Variants in PHF14 observed in about 807,000 individuals in gnomAD.
PHF14 encodes the protein PHD finger protein 14.
PHF14 carries 55 observed loss-of-function variants against 117.9 expected under a neutral mutation model. The observed-to-expected ratio is 0.47, with a 90% confidence interval of 0.38 to 0.58. PHF14 has a LOEUF of 0.58. Ranked by LOEUF, PHF14 falls within the 20% of genes least tolerant of loss-of-function variation. The probability of loss-of-function intolerance (pLI) is 0.00; values close to 1 mark genes in which losing one functional copy is unlikely to be tolerated. For missense variants in PHF14, 978 were observed against 1,122.2 expected (o/e 0.87, Z 1.84); for synonymous variants, 409 against 368.6 (o/e 1.11, Z -1.26).
chr7:11,132,202 T>G (rs1424535385), intron 17 of PHF14, among the ~76,000 whole-genome samples: 1 of 151,766 alleles, frequency 6.6e-6, no homozygotes, highest in Non-Finnish European at 1.5e-5. Context: ...TCTCTAGACC[T>G]TTTTCATCTT....
At chr7:11,155,339 T>C (rs1013801522) in intron 17 of PHF14, among the ~76,000 whole-genome samples, 1 of 152,174 alleles carries the variant, frequency 6.6e-6, no homozygotes. Flanking sequence ...CACAATTGCA[T>C]AGAAGAAACA....
intron 13 of PHF14, among the ~76,000 whole-genome samples, chr7:11,046,229 A>G (rs1446470778): frequency 1.3e-5 from 2 of 152,194 alleles, no homozygotes; most frequent in Non-Finnish European, 2.9e-5. Flanking sequence ...AAATTCTAAG[A>G]CACATTTGGT....
intron 9 of PHF14, 116 bp from the exon 10 acceptor site, chr7:11,036,869 T>C (rs1468658201): frequency 2.1e-6 from 2 of 938,812 alleles, no homozygotes; most frequent in South Asian, 1.7e-5. Context: ...TTTGTAAATA[T>C]ACTTAAAAGT....
intron 14 of PHF14, among the ~76,000 whole-genome samples, chr7:11,053,445 C>G (rs1242612042): frequency 6.6e-6 from 1 of 151,892 alleles, no homozygotes; most frequent in Non-Finnish European, 1.5e-5. Context: ...TATAAGGGAA[C>G]TAGAGAGACT....
At chr7:11,106,671 A>T (rs941344810) in intron 16 of PHF14, 1 of 983,820 alleles carries the variant, frequency 1.0e-6, no homozygotes, top group African/African-American at 1.7e-5. Flanking sequence ...CTGTTAATAG[A>T]TTTGCGTAGA....
intron 4 of PHF14, among the ~76,000 whole-genome samples, chr7:11,011,988 A>T (rs140738446): frequency 7.2e-5 from 11 of 152,270 alleles, no homozygotes; most frequent in Non-Finnish European, 1.5e-4. Flanking sequence ...TAGTAATAAC[A>T]AACTTTTAGG....
intron 17 of PHF14, among the ~76,000 whole-genome samples, chr7:11,139,717 GA>G (rs796542812): frequency 8.5e-5 from 13 of 152,204 alleles, no homozygotes; most frequent in East Asian, 3.9e-4. Flanking sequence ...TGAAATATGT[GA>G]AAAATAAATT....
intron 16 of PHF14, among the ~76,000 whole-genome samples, chr7:11,093,259 T>C (rs1457555841): frequency 6.6e-6 from 1 of 152,198 alleles, no homozygotes; most frequent in East Asian, 1.9e-4. Flanking sequence ...TTCTTGACAG[T>C]GGATTTTCTT....
chr7:11,165,755 T>C (rs1789184453), intron 17 of PHF14, among the ~76,000 whole-genome samples: 1 of 152,206 alleles, frequency 6.6e-6, no homozygotes, highest in Non-Finnish European at 1.5e-5. Context: ...AAATCACATT[T>C]ATAAATAAAG....
chr7:11,012,869 G>T (rs1783400265), intron 4 of PHF14, among the ~76,000 whole-genome samples: 1 of 152,114 alleles, frequency 6.6e-6, no homozygotes, highest in Non-Finnish European at 1.5e-5. Flanking sequence ...TTAGAGATTG[G>T]CTCAGTTGTG....
chr7:11,096,423 G>C (rs1786869627), intron 16 of PHF14, among the ~76,000 whole-genome samples: 1 of 151,890 alleles, frequency 6.6e-6, no homozygotes, highest in Non-Finnish European at 1.5e-5. Context: ...TCAGTAACTA[G>C]CATCAAATAT....
At chr7:11,055,326 G>T (rs1468315991) in intron 14 of PHF14, among the ~76,000 whole-genome samples, 2 of 151,864 alleles carry the variant, frequency 1.3e-5, no homozygotes, top group African/African-American at 4.8e-5. Context: ...TTTTCTTTTT[G>T]CTTTCTTTGC....
intron 16 of PHF14, among the ~76,000 whole-genome samples, chr7:11,075,580 T>G (rs2128334655): frequency 6.7e-6 from 1 of 148,910 alleles, no homozygotes; most frequent in South Asian, 2.1e-4. Context: ...TTTTTTTTTT[T>G]TTTTTTTTTT....
chr7:11,110,183 T>G (rs938759910), intron 16 of PHF14: 1 of 151,878 alleles, frequency 6.6e-6, no homozygotes, highest in African/African-American at 2.4e-5. Context: ...AAGAAGAGCT[T>G]CTTCCCCCTT....
At chr7:11,151,050 A>G (rs572739326) in intron 17 of PHF14, among the ~76,000 whole-genome samples, 1 of 152,318 alleles carries the variant, frequency 6.6e-6, no homozygotes, top group African/African-American at 2.4e-5. Flanking sequence ...TAAAAATAAG[A>G]AAAGCAAAAT....
chr7:11,159,543 G>A (rs900091022), intron 17 of PHF14, among the ~76,000 whole-genome samples: 20 of 151,876 alleles, frequency 1.3e-4, no homozygotes, highest in African/African-American at 4.3e-4. Context: ...AAATATTCAA[G>A]CCAATCATAG....
chr7:10,995,740 G>A lies in PHF14; in HGVS notation c.1045+4893G>A, dbSNP rs1452551821. Among the ~76,000 whole-genome samples the A allele has an allele frequency of 2.0e-4, 31 of 152,164 alleles. 1 individual carries two copies. The highest frequency in any genetic ancestry group is 1.8e-3 in the Admixed American group (27 of 15,284). The stretch of plus-strand genomic sequence containing the variant: ...CCGGCGAGAATTTGAGAGCAGCGCC[G>A]GCGGGCCAGCACTGCTGGGGGACCC... On this transcript the variant is annotated intron_variant, in intron 4 of 17. Transcript: ENST00000634607.
At chr7:11,140,177 C>T (rs955121884) in intron 17 of PHF14, among the ~76,000 whole-genome samples, 1 of 152,098 alleles carries the variant, frequency 6.6e-6, no homozygotes, top group African/African-American at 2.4e-5. Flanking sequence ...TCTCTACCAA[C>T]AACTCTACAC....
At chr7:11,097,740 AT>A (rs1786932669) in intron 16 of PHF14, among the ~76,000 whole-genome samples, 2 of 152,174 alleles carry the variant, frequency 1.3e-5, no homozygotes, top group Admixed American at 6.5e-5. Context: ...ATACCCATTT[AT>A]CTAACTCAGC....
Sources: allele counts gnomAD v4.1 joint callset (sites outside exome capture counted in the v4.1 genomes callset), GRCh38; gene constraint gnomAD v4.1.1; transcripts MANE v1.5; gene names NCBI Gene and HGNC (gene_info 2026-07-23, HGNC 2026-07-21).